Variants in NBEAL1 observed in about 807,000 individuals in gnomAD.
The protein encoded by NBEAL1 is neurobeachin-like protein 1.
Under a neutral mutation model 351.3 loss-of-function variants are expected in NBEAL1, and 273 were observed. The ratio of observed to expected loss-of-function variants is 0.78; its 90% CI spans 0.70 to 0.86. NBEAL1 has a LOEUF of 0.86. Among genes scored for constraint, NBEAL1 ranks in the 40% least tolerant of loss-of-function variants. NBEAL1 has a pLI of 0.00. For missense variants in NBEAL1, 2,961 were observed against 3,201.3 expected, an observed-to-expected ratio of 0.92 and a Z score of 1.81; for synonymous variants, 1,050 against 1,086.4, an observed-to-expected ratio of 0.97 and a Z score of 0.66.
At chr2:203,111,675 T>C (rs923800987) in intron 15 of NBEAL1, among the ~76,000 whole-genome samples, 1 of 152,230 alleles carries the variant, frequency 6.6e-6, no homozygotes, top group Non-Finnish European at 1.5e-5. Context: ...TTTTAAATAA[T>C]GCATTTGTAT....
In NBEAL1 at chr2:203,204,019, C is replaced by T. The variant is rs568019063; in HGVS notation, c.7506+1238C>T. ...GCTTGGCTCACTGCAACCTCCACCT[C>T]CTGGGTTCAAGTGATTCTCCTGCCT... On this transcript the variant is annotated intron_variant, in intron 51 of 55. Transcript: ENST00000683969. Among the ~76,000 whole-genome samples, 31 of 151,464 alleles carry T rather than the reference C, an allele frequency of 2.0e-4. No homozygotes were observed. In the South Asian group the frequency reaches 6.4e-3, roughly 32 times the overall value.
At chr2:203,172,412 T>C (rs1458430491) in intron 40 of NBEAL1, among the ~76,000 whole-genome samples, 1 of 151,930 alleles carries the variant, frequency 6.6e-6, no homozygotes, top group African/African-American at 2.4e-5. Context: ...TCCCAGCAAC[T>C]CAGGAGGCTG....
chr2:203,085,481 T>A (rs1174558163), intron 10 of NBEAL1: 1 of 152,286 alleles, frequency 6.6e-6, no homozygotes, highest in Non-Finnish European at 1.5e-5. Context: ...TCACAAAATA[T>A]ATGTTGTCTT....
chr2:203,056,563 T>C, intron 5 of NBEAL1, 55 bp downstream of exon 5: 1 of 1,019,304 alleles, frequency 9.8e-7, no homozygotes, highest in Non-Finnish European at 1.5e-6. Flanking sequence ...AGGTTTTACT[T>C]TTTGTTTGTT....
intron 35 of NBEAL1, among the ~76,000 whole-genome samples, chr2:203,157,064 G>A (rs2063815488): frequency 6.6e-6 from 1 of 152,118 alleles, no homozygotes; most frequent in Admixed American, 6.6e-5. Context: ...AAATTCAGAA[G>A]GGTCATTGGC....
At chr2:203,172,428 G>A (rs559912771) in intron 40 of NBEAL1, among the ~76,000 whole-genome samples, 25 of 152,214 alleles carry the variant, frequency 1.6e-4, no homozygotes, top group African/African-American at 6.0e-4. Flanking sequence ...GGCTGAGGCA[G>A]GAGAATCGCT....
Position 203,149,010 on chromosome 2 carries a change from T to G in NBEAL1, c.5324T>G (p.Phe1775Cys), listed in dbSNP as rs376973536. 43 of 1,608,986 alleles carry G rather than the reference T, an allele frequency of 2.7e-5. No individual in the cohort carries two copies. Among genetic ancestry groups the G allele is most frequent in the Non-Finnish European group, 3.4e-5 (40 of 1,177,238 alleles). ...TTTCAGGAGCTGTTTGTGGAGCCAT[T>G]TAATCGAAAAGCACGCCAAGAGAAC... ...LKFQELFVEP[F>C]NRKARQENLR... Residue 1775 changes from phenylalanine (F) to cysteine (C), a missense_variant, in exon 34 of 56, where the codon TTT becomes TGT. Coordinates refer to ENST00000683969, the MANE Select transcript of NBEAL1 (RefSeq NM_001378026.1).
intron 17 of NBEAL1, 29 bp from the exon 18 acceptor site, chr2:203,115,956 G>A (rs774747955): frequency 5.8e-6 from 8 of 1,386,304 alleles, no homozygotes; most frequent in South Asian, 3.7e-5. Context: ...ATATTCAATG[G>A]TGTGTATGTG....
At chr2:203,050,950 G>A (rs991183862) in intron 4 of NBEAL1, among the ~76,000 whole-genome samples, 3 of 152,060 alleles carry the variant, frequency 2.0e-5, no homozygotes, top group Non-Finnish European at 4.4e-5. Flanking sequence ...TCTTCATTTC[G>A]GAAGCTACAT....
Position 203,217,863 on chromosome 2 carries a change from G to C in NBEAL1, c.*509G>C, listed in dbSNP as rs2105865194. ...TCGGTGAAAGTTACAAGTTTGCATG[G>C]TAAGAATAAAATAAGAATATTGAAA... On this transcript the variant is annotated 3_prime_UTR_variant, in exon 56 of 56. Coordinates refer to ENST00000683969, the MANE Select transcript of NBEAL1 (RefSeq NM_001378026.1). 1 of 985,148 alleles carries C rather than the reference G, an allele frequency of 1.0e-6. No homozygotes were observed. The highest frequency in any genetic ancestry group is 1.2e-6 in the Non-Finnish European group (1 of 829,742). 61.0% of individuals were successfully genotyped at this position (985,148 alleles called of 1,614,324 possible).
chr2:203,140,363 C>T (rs578089449), intron 31 of NBEAL1, among the ~76,000 whole-genome samples: 5 of 151,268 alleles, frequency 3.3e-5, no homozygotes, highest in Admixed American at 3.3e-4. Context: ...TTCAGCATAA[C>T]GTAAGAGAAA....
intron 49 of NBEAL1, among the ~76,000 whole-genome samples, chr2:203,200,031 T>C (rs1029640227): frequency 6.6e-6 from 1 of 152,242 alleles, no homozygotes; most frequent in African/African-American, 2.4e-5. Context: ...CTTAAAGTGG[T>C]GTTTCCCTTA....
intron 2 of NBEAL1, among the ~76,000 whole-genome samples, chr2:203,026,094 A>G (rs928114353): frequency 1.3e-5 from 2 of 152,080 alleles, no homozygotes; most frequent in Non-Finnish European, 2.9e-5. Flanking sequence ...ATAATATTCT[A>G]TAGTAATGGA....
intron 19 of NBEAL1, 141 bp from the exon 20 acceptor site, chr2:203,125,211 A>C (rs181088668): frequency 1.9e-6 from 1 of 527,202 alleles, no homozygotes; most frequent in East Asian, 3.5e-5. Context: ...ATCTTCCTAC[A>C]CAAAAATTCC....
At position 203,188,940 on chromosome 2, in the gene NBEAL1, G is replaced by A. The variant is rs138253665; in HGVS notation, c.6823+351G>A. 9.9e-5 allele frequency among the ~76,000 whole-genome samples: 15 copies of A among 152,256 alleles called. No homozygotes were observed. In the East Asian group the frequency reaches 1.7e-3, roughly 18 times the overall value. Reference sequence around the variant, plus strand: ...GATTCTTCAAATGATACATATGATGGCATTATTTAGCTCAGAATCAAGAAT... The same window carrying A: ...GATTCTTCAAATGATACATATGATGACATTATTTAGCTCAGAATCAAGAAT... On this transcript the variant is annotated intron_variant, in intron 45 of 55. Coordinates refer to ENST00000683969, the MANE Select transcript of NBEAL1 (RefSeq NM_001378026.1).
Position 203,132,461 on chromosome 2 carries a change from T to C in NBEAL1, c.3724+329T>C, listed in dbSNP as rs1341809657. Among the ~76,000 whole-genome samples, 5 of 152,234 alleles carry C rather than the reference T, an allele frequency of 3.3e-5. No homozygotes were observed. The East Asian group carries it at 9.6e-4, about 29-fold the overall frequency. On this transcript the variant is annotated intron_variant, in intron 26 of 55. Coordinates refer to ENST00000683969, the MANE Select transcript of NBEAL1 (RefSeq NM_001378026.1). Reference sequence around the variant, plus strand: ...GGCAAATGAAAACTAATTTCAGATATTCTTTGTTGTTTCTTTTGTTTGTTT... The same window carrying C: ...GGCAAATGAAAACTAATTTCAGATACTCTTTGTTGTTTCTTTTGTTTGTTT...
At chr2:203,199,218 G>C in intron 48 of NBEAL1, 120 bp from the exon 49 acceptor site, 1 of 567,296 alleles carries the variant, frequency 1.8e-6, no homozygotes, top group Non-Finnish European at 3.2e-6. Flanking sequence ...CAGGTTTGAA[G>C]TACACAGTCT....
At chr2:203,169,441 A>ATT (rs1303409006) in intron 38 of NBEAL1, among the ~76,000 whole-genome samples, 3 of 150,514 alleles carry the variant, frequency 2.0e-5, no homozygotes, top group Non-Finnish European at 4.4e-5. Flanking sequence ...TGGCTCATGC[A>ATT]TGTAATCCCA....
In NBEAL1 at chr2:203,154,899, C is replaced by T. The variant is rs533487005; in HGVS notation, c.5588-2800C>T. On this transcript the variant is annotated intron_variant, in intron 35 of 55. Transcript: ENST00000683969. ...ACAGTGAGCCACGATCGTGTCACTG[C>T]ACTCCAGCCTGGGCAACAGAGTGAG... is the stretch of plus-strand genomic sequence containing the variant. Among the ~76,000 whole-genome samples, 15 of 142,864 alleles carry T rather than the reference C, an allele frequency of 1.0e-4. No homozygotes were observed. In the South Asian group the frequency reaches 3.4e-3, roughly 32 times the overall value. The allele number at this position is 142,864 out of a possible 152,430, so 93.7% of individuals were successfully genotyped here.
Sources: gnomAD v4.1 joint callset for allele counts (sites outside exome capture counted in the v4.1 genomes callset) on GRCh38, gnomAD v4.1.1 for gene constraint, MANE v1.5 for transcripts, NCBI Gene and HGNC (gene_info 2026-07-23, HGNC 2026-07-21) for gene names.